Variants in UGT2B7 observed in about 807,000 individuals in gnomAD.
The protein encoded by UGT2B7 is UDP glucuronosyltransferase family 2 member B7.
A neutral mutation model predicts 51.9 loss-of-function variants in UGT2B7; 51 were observed. The observed-to-expected ratio is 0.98, with a 90% CI of 0.78 to 1.24. UGT2B7 has a LOEUF of 1.24. UGT2B7 is among the 50% of genes most tolerant of loss of function. UGT2B7 has a pLI of 0.00. For synonymous variants in UGT2B7, 225 were observed against 211.6 expected (o/e 1.06, Z -0.55); for missense variants, 727 against 628.4 (o/e 1.16, Z -1.68).
upstream of UGT2B7, among the ~76,000 whole-genome samples, chr4:69,095,470 T>C (rs562713629): frequency 1.3e-5 from 2 of 152,330 alleles, no homozygotes; most frequent in Admixed American, 6.5e-5. Context: ...TTTAGCAGTA[T>C]GCTGGACCTG....
chr4:69,063,729 T>C (rs1718408501), intron 1 of UGT2B7, among the ~76,000 whole-genome samples: 2 of 152,134 alleles, frequency 1.3e-5, no homozygotes, highest in African/African-American at 4.8e-5. Context: ...CCAGATTCCC[T>C]CTTAGGAGGT....
intron 1 of UGT2B7, among the ~76,000 whole-genome samples, chr4:69,065,603 A>G (rs1158943600): frequency 6.6e-6 from 1 of 152,220 alleles, no homozygotes. Flanking sequence ...GAAGCACTTA[A>G]TAATTTGTAA....
rs147382444 is a variant in UGT2B7 at position 69,087,060 on chromosome 4, TTCTC to T, written c.-158-2398_-158-2395del. Among the ~76,000 whole-genome samples the T allele has an allele frequency of 2.7e-5, 4 of 148,842 alleles. No individual in the cohort carries two copies. The South Asian group carries it at 6.3e-4, about 23-fold the overall frequency. On this transcript the variant is annotated intron_variant, in intron 1 of 5. Transcript: ENST00000502942. ...CCTTTCTCTCTCGCTCTGTCTCTCT[TTCTC>T]TCTCTCTCTCTCTGTCTCTCTCTCT...
intron 1 of UGT2B7, among the ~76,000 whole-genome samples, chr4:69,056,746 G>C (rs1403686681): frequency 1.3e-5 from 2 of 152,154 alleles, no homozygotes; most frequent in African/African-American, 4.8e-5. Context: ...AAGTGCTTCA[G>C]CACAAGTGTA....
At chr4:69,075,341 T>G (rs1192878992) in intron 1 of UGT2B7, among the ~76,000 whole-genome samples, 1 of 152,138 alleles carries the variant, frequency 6.6e-6, no homozygotes, top group Non-Finnish European at 1.5e-5. Flanking sequence ...ACATTATCTC[T>G]GTCTCTGTTC....
chr4:69,108,026 T>C (rs1482989940), intron 4 of UGT2B7, 77 bp from the exon 5 acceptor site: 12 of 1,534,038 alleles, frequency 7.8e-6, no homozygotes, highest in Non-Finnish European at 1.1e-5. Context: ...TGGAAAACAC[T>C]GTCACTTTCA....
intron 2 of UGT2B7, among the ~76,000 whole-genome samples, chr4:69,100,269 A>G (rs1378156125): frequency 6.6e-6 from 1 of 152,022 alleles, no homozygotes; most frequent in Non-Finnish European, 1.5e-5. Context: ...AATTTATACC[A>G]CTTGTATCTG....
At position 69,103,951 on chromosome 4, in the gene UGT2B7, G is replaced by T. The variant is rs566017517; in HGVS notation, c.1002+1013G>T. ...AGGAATAATAACCAACACATGTGAG[G>T]AGTAGGGGACTAAGGAGAATGAATT... is the stretch of plus-strand genomic sequence containing the variant. On this transcript the variant is annotated intron_variant, in intron 3 of 5. Transcript: ENST00000305231. 1.8e-4 allele frequency among the ~76,000 whole-genome samples: 27 copies of T among 152,232 alleles called. No individual in the cohort carries two copies. The South Asian group carries it at 5.2e-3, about 29-fold the overall frequency.
intron 1 of UGT2B7, among the ~76,000 whole-genome samples, chr4:69,052,229 G>A: frequency 6.6e-6 from 1 of 151,928 alleles, no homozygotes; most frequent in East Asian, 1.9e-4. Flanking sequence ...ACCAAGACCA[G>A]TTTCCATACA....
Position 69,099,580 on chromosome 4 carries a change from C to A in UGT2B7, c.870+892C>A, listed in dbSNP as rs574301843. On this transcript the variant is annotated intron_variant, in intron 2 of 5. Transcript: ENST00000305231. ...TTCAGGTAGCAGATGATGGAAAAGT[C>A]GACTAGAAAGTTGATAGAAATCATT... is the stretch of plus-strand genomic sequence containing the variant. Among the ~76,000 whole-genome samples the A allele has an allele frequency of 4.6e-4, 70 of 151,962 alleles. No individual in the cohort carries two copies. In the Middle Eastern group the frequency reaches 0.01, roughly 22 times the overall value.
intron 1 of UGT2B7, among the ~76,000 whole-genome samples, chr4:69,057,866 CTT>C (rs368394041): frequency 1.4e-3 from 208 of 152,304 alleles, no homozygotes; most frequent in African/African-American, 4.7e-3. Context: ...GAATAGCCCT[CTT>C]TTGGTGTTGG....
At chr4:69,092,143 T>C (rs1050399745), upstream of UGT2B7, among the ~76,000 whole-genome samples, 1 of 152,108 alleles carries the variant, frequency 6.6e-6, no homozygotes, top group Non-Finnish European at 1.5e-5. Context: ...TCTTGTTATG[T>C]TACCCAGGCT....
In UGT2B7 at chr4:69,096,941, C is replaced by A. The variant is rs545544033; in HGVS notation, c.421C>A (p.Gln141Lys). Residue 141 changes from glutamine to lysine, a missense_variant, in exon 1 of 6, where the codon CAA (glutamine) becomes AAA (lysine). Gln to Lys is a moderately conservative substitution (Grantham distance 53). Coordinates refer to ENST00000305231, the MANE Select transcript of UGT2B7 (RefSeq NM_001074.4). ...VSNKKFMKKV[Q>K]ESRFDVIFAD... is the part of the protein sequence containing the mutation. The stretch of plus-strand genomic sequence containing the variant: ...AAATAAGAAATTTATGAAAAAAGTA[C>A]AAGAGTCAAGATTTGACGTCATTTT... 1.2e-6 allele frequency: 2 copies of A among 1,612,752 alleles called. No homozygotes were observed. The highest frequency in any genetic ancestry group is 1.1e-5 in the South Asian group (1 of 90,678).
upstream of UGT2B7, among the ~76,000 whole-genome samples, chr4:69,093,105 G>T (rs57216626): frequency 1.3e-5 from 2 of 151,804 alleles, no homozygotes; most frequent in African/African-American, 4.8e-5. Flanking sequence ...TGTGAGCTCT[G>T]TCCCAGGGAG....
intron 1 of UGT2B7, among the ~76,000 whole-genome samples, chr4:69,074,766 C>T (rs896416650): frequency 6.6e-6 from 1 of 151,950 alleles, no homozygotes; most frequent in Non-Finnish European, 1.5e-5. Flanking sequence ...TGGTTTCCTC[C>T]CAAAAGTCAC....
intron 1 of UGT2B7, among the ~76,000 whole-genome samples, chr4:69,076,712 A>T (rs55778959): frequency 0.43 from 65,068 of 151,842 alleles, 15,501 homozygotes; most frequent in African/African-American, 0.64. Context: ...GATTAAAAAA[A>T]TTTTTCCCAT....
At chr4:69,104,348 G>A (rs2109890314) in intron 3 of UGT2B7, among the ~76,000 whole-genome samples, 1 of 152,166 alleles carries the variant, frequency 6.6e-6, no homozygotes, top group East Asian at 1.9e-4. Context: ...TATAAAGATG[G>A]AGTCTGGAAG....
chr4:69,069,381 C>T (rs777485592), intron 1 of UGT2B7, among the ~76,000 whole-genome samples: 1 of 151,642 alleles, frequency 6.6e-6, no homozygotes, highest in East Asian at 1.9e-4. Context: ...TTTTTTTTAA[C>T]CCTTTGGACT....
intron 3 of UGT2B7, among the ~76,000 whole-genome samples, chr4:69,106,045 TA>T (rs1719587087): frequency 6.6e-6 from 1 of 152,170 alleles, no homozygotes; most frequent in Non-Finnish European, 1.5e-5. Context: ...AAGGAATAGC[TA>T]AAATTTTTAT....
Sources: allele counts gnomAD v4.1 joint callset (sites outside exome capture counted in the v4.1 genomes callset), GRCh38; gene constraint gnomAD v4.1.1; transcripts MANE v1.5; gene names NCBI Gene and HGNC (gene_info 2026-07-23, HGNC 2026-07-21).